The following ZBTB47 variants were observed in gnomAD, a reference collection of about 807,000 sequenced individuals.
ZBTB47 encodes the protein zinc finger and BTB domain containing 47, also known as zinc finger and BTB domain-containing protein 47.
Under a neutral mutation model 56.6 loss-of-function variants are expected in ZBTB47, and 24 were observed. The observed-to-expected ratio is 0.42, with a 90% CI of 0.31 to 0.60. The LOEUF is 0.60. ZBTB47 is among the 20% of genes least tolerant of loss of function. ZBTB47 has a pLI of 0.14. For missense variants in ZBTB47, 829 were observed against 1,032.6 expected, an observed-to-expected ratio of 0.80 and a Z score of 2.70; for synonymous variants, 414 against 418.9, an observed-to-expected ratio of 0.99 and a Z score of 0.14.
chr3:42,664,514 G>GC lies in ZBTB47; in HGVS notation c.2162dup (p.Pro722AlafsTer106). The stretch of plus-strand genomic sequence containing the variant: ...TGCTCCCGGGGCTGCCCCAGACCCT[G>GC]CCGCCCCCGCCCCACCTGCCGCCCC... On this transcript the variant is annotated frameshift_variant, in exon 6 of 6. Transcript: ENST00000232974. LOFTEE classifies it low-confidence loss of function (END_TRUNC). 5 of 1,379,798 alleles carry GC rather than the reference G, an allele frequency of 3.6e-6. No homozygotes were observed. The highest frequency in any genetic ancestry group is 3.4e-5 in the African/African-American group (2 of 59,450). The allele number at this position is 1,379,798 out of a possible 1,614,324, so 85.5% of individuals were successfully genotyped here.
rs1710602682 is a variant in ZBTB47, at chr3:42,654,085, G to A, written c.-82+202G>A. On this transcript the variant is annotated intron_variant, in intron 1 of 5. Transcript: ENST00000232974. The surrounding 1 kb of genome is among the most constrained non-coding windows in gnomAD (Gnocchi z 5.0). Reference sequence around the variant, plus strand: ...TCCCTCAGCGTGGGATCCCTCAGGGGAGCGGGTGGAAGCCTTTTCTGTTCG... The same window carrying A: ...TCCCTCAGCGTGGGATCCCTCAGGGAAGCGGGTGGAAGCCTTTTCTGTTCG... The A allele has an allele frequency of 6.6e-6, 1 of 152,324 alleles. No homozygotes were observed. Among genetic ancestry groups the A allele is most frequent in the Admixed American group, 6.5e-5 (1 of 15,286 alleles). 9.4% of individuals were successfully genotyped at this position (152,324 alleles called of 1,614,324 possible).
At chr3:42,660,941 T>G (rs1262446372) in intron 2 of ZBTB47, among the ~76,000 whole-genome samples, 4 of 152,074 alleles carry the variant, frequency 2.6e-5, no homozygotes, top group African/African-American at 9.7e-5. Flanking sequence ...GGGGATATGG[T>G]CCCCAAGATC....
chr3:42,664,736 C>T lies in ZBTB47; in HGVS notation c.*138C>T. On this transcript the variant is annotated 3_prime_UTR_variant, in exon 6 of 6. Coordinates refer to ENST00000232974, the MANE Select transcript of ZBTB47 (RefSeq NM_145166.4). ...TCCAGAAGTGGCTGGATGTACCCTG[C>T]CTGAGGCCCCGACGAGGAGGGGTAT... 9.4e-7 allele frequency: 1 copy of T among 1,062,188 alleles called. No homozygotes were observed. The highest frequency in any genetic ancestry group is 3.2e-5 in the South Asian group (1 of 31,612). The allele number at this position is 1,062,188 out of a possible 1,614,324, so 65.8% of individuals were successfully genotyped here. A position where few individuals can be genotyped will look rare whatever the true frequency, so the allele number is the denominator to read the frequency against.
rs1710612203 is a variant in ZBTB47, at chr3:42,654,502, C to G, written c.-82+619C>G. 6.0e-6 allele frequency: 1 copy of G among 165,850 alleles called. No individual in the cohort carries two copies. Among genetic ancestry groups the G allele is most frequent in the Non-Finnish European group, 1.2e-5 (1 of 82,222 alleles). 10.3% of individuals were successfully genotyped at this position (165,850 alleles called of 1,614,324 possible). On this transcript the variant is annotated intron_variant, in intron 1 of 5. Coordinates refer to ENST00000232974, the MANE Select transcript of ZBTB47 (RefSeq NM_145166.4). The surrounding 1 kb of genome is among the most constrained non-coding windows in gnomAD (Gnocchi z 5.0). ...CCCGCCGCGCCCGAGGCTCTGGGGC[C>G]GCAGCTGCTTGGCGCTGGACTCGCC...
Position 42,658,872 on chromosome 3 carries a change from A to G in ZBTB47, c.517A>G (p.Thr173Ala), listed in dbSNP as rs993061707. The change falls in exon 2 of 6, where the codon ACT becomes GCT. Residue 173 changes from threonine (T) to alanine (A), a missense_variant. Physicochemically the swap from Thr to Ala is moderately conservative, Grantham distance 58. Transcript: ENST00000232974. ...YSVRVEDGAG[T>A]AGGTVPATIG... ...GGTGCGTGTTGAGGACGGGGCAGGG[A>G]CTGCTGGTGGCACAGTGCCTGCCAC... is the stretch of plus-strand genomic sequence containing the variant. 2.1e-5 allele frequency: 32 copies of G among 1,520,928 alleles called. No homozygotes were observed. Among genetic ancestry groups the G allele is most frequent in the Non-Finnish European group, 2.8e-5 (32 of 1,138,562 alleles). 94.2% of individuals were successfully genotyped at this position (1,520,928 alleles called of 1,614,324 possible).
chr3:42,657,743 T>A (rs1710655496), intron 1 of ZBTB47, among the ~76,000 whole-genome samples: 1 of 152,078 alleles, frequency 6.6e-6, no homozygotes, highest in Non-Finnish European at 1.5e-5. Flanking sequence ...TCTTGAGGTG[T>A]TTGGGGCTGG....
intron 2 of ZBTB47, among the ~76,000 whole-genome samples, chr3:42,660,050 C>T (rs1165654037): frequency 2.0e-5 from 3 of 152,102 alleles, no homozygotes; most frequent in Non-Finnish European, 2.9e-5. Flanking sequence ...TAGAGTTGGG[C>T]GCATGAAGAG....
At position 42,659,363 on chromosome 3, in the gene ZBTB47, G is replaced by C. The variant is rs1199001623; in HGVS notation, c.1008G>C (p.Gly336=). 7.7e-7 allele frequency: 1 copy of C among 1,303,076 alleles called. No homozygotes were observed. Among genetic ancestry groups the C allele is most frequent in the Admixed American group, 2.4e-5 (1 of 41,202 alleles). The allele number at this position is 1,303,076 out of a possible 1,614,324, so 80.7% of individuals were successfully genotyped here. Residue 336 remains glycine, a synonymous_variant, in exon 2 of 6, where the codon GGG becomes GGC. Coordinates refer to ENST00000232974, the MANE Select transcript of ZBTB47 (RefSeq NM_145166.4). ...EEEEEEEEEE[G]PSEQDQESSE... ...AAGAGGAGGAGGAAGAGGAGGAAGG[G>C]CCTAGTGAGCAGGATCAAGAGAGCT...
intron 5 of ZBTB47, 109 bp from the exon 6 acceptor site, chr3:42,664,128 G>A (rs1469229972): frequency 6.7e-7 from 1 of 1,497,900 alleles, no homozygotes; most frequent in African/African-American, 1.4e-5. Flanking sequence ...GAGGATCTGA[G>A]AGCGCCGGGG....
rs772981888 is a variant in ZBTB47, at chr3:42,658,911, C to G, written c.556C>G (p.Gln186Glu). 1.7e-5 allele frequency: 25 copies of G among 1,502,078 alleles called. No individual in the cohort carries two copies. The East Asian group carries it at 6.2e-4, about 37-fold the overall frequency. The allele number at this position is 1,502,078 out of a possible 1,614,324, so 93.0% of individuals were successfully genotyped here. Residue 186 changes from glutamine to glutamate, a missense_variant, in exon 2 of 6, where the codon CAG (glutamine) becomes GAG (glutamate). Coordinates refer to ENST00000232974, the MANE Select transcript of ZBTB47 (RefSeq NM_145166.4). ...GTVPATIGPA[Q>E]PFFKEEKEGG... ...AGTGCCTGCCACCATTGGGCCAGCC[C>G]AGCCCTTCTTTAAGGAGGAGAAGGA...
rs1236077476 is a variant in ZBTB47 at position 42,661,378 on chromosome 3, A to G, written c.1474-107A>G. The G allele has an allele frequency of 2.3e-6, 3 of 1,325,276 alleles. No homozygotes were observed. The African/African-American group carries it at 4.4e-5, about 20-fold the overall frequency. 82.1% of individuals were successfully genotyped at this position (1,325,276 alleles called of 1,614,324 possible). ...TGGCTGTTGGCATCAAGGGCTCTCC[A>G]GCATATTTCAAGTGGGAAAACTGAG... is the stretch of plus-strand genomic sequence containing the variant. On this transcript the variant is annotated intron_variant, in intron 2 of 5. Coordinates refer to ENST00000232974, the MANE Select transcript of ZBTB47 (RefSeq NM_145166.4).
rs1710662954 is a variant in ZBTB47 at position 42,658,345 on chromosome 3, T to C, written c.-11T>C. The C allele has an allele frequency of 6.5e-7, 1 of 1,528,854 alleles. No individual in the cohort carries two copies. The highest frequency in any genetic ancestry group is 8.8e-7 in the Non-Finnish European group (1 of 1,142,238). 94.7% of individuals were successfully genotyped at this position (1,528,854 alleles called of 1,614,324 possible). A position where few individuals can be genotyped will look rare whatever the true frequency, so the allele number is the denominator to read the frequency against. Reference sequence around the variant, plus strand: ...CTGGTGGAGGACGTGGCGCTGCACTTTGCCTGCTTGATGGGCCGCCTGAAC... The same window carrying C: ...CTGGTGGAGGACGTGGCGCTGCACTCTGCCTGCTTGATGGGCCGCCTGAAC... On this transcript the variant is annotated 5_prime_UTR_variant, in exon 2 of 6. Transcript: ENST00000232974.
At position 42,659,186 on chromosome 3, in the gene ZBTB47, CGAGGAGGAGGAGGACGACGAG is replaced by C. The variant is rs1559606958; in HGVS notation, c.846_866del (p.Asp282_Glu288del). 2.0e-6 allele frequency: 3 copies of C among 1,519,160 alleles called. No homozygotes were observed. Among genetic ancestry groups the C allele is most frequent in the Non-Finnish European group, 2.6e-6 (3 of 1,137,498 alleles). The allele number at this position is 1,519,160 out of a possible 1,614,324, so 94.1% of individuals were successfully genotyped here. A position where few individuals can be genotyped will look rare whatever the true frequency, so the allele number is the denominator to read the frequency against. On this transcript the variant is annotated inframe_deletion, in exon 2 of 6. Coordinates refer to ENST00000232974, the MANE Select transcript of ZBTB47 (RefSeq NM_145166.4). The stretch of plus-strand genomic sequence containing the variant: ...AGGACGGGCTGCAGAGACACTCGGA[CGAGGAGGAGGAGGACGACGAG>C]GAGGAGGAGGAGGAAGAAGAGGAAG...
At position 42,658,943 on chromosome 3, in the gene ZBTB47, TGTC is replaced by T. The variant is rs1396258388; in HGVS notation, c.590_592del (p.Val197del). On this transcript the variant is annotated inframe_deletion, in exon 2 of 6. Transcript: ENST00000232974. ...TCTTTAAGGAGGAGAAGGAGGGTGGTGTCGAGGAGGCCGGTGGGCCCCCAGCCA... is the reference window on the plus strand; with the variant it reads ...TCTTTAAGGAGGAGAAGGAGGGTGGTGAGGAGGCCGGTGGGCCCCCAGCCA... The T allele has an allele frequency of 2.7e-6, 4 of 1,499,664 alleles. No homozygotes were observed. The highest frequency in any genetic ancestry group is 1.4e-5 in the African/African-American group (1 of 71,770). 92.9% of individuals were successfully genotyped at this position (1,499,664 alleles called of 1,614,324 possible).
intron 2 of ZBTB47, 97 bp downstream of exon 2, chr3:42,659,925 C>A: frequency 7.0e-7 from 1 of 1,436,104 alleles, no homozygotes. Flanking sequence ...GACTGCATTA[C>A]CTAGGTGGTC....
At position 42,663,347 on chromosome 3, in the gene ZBTB47, G is replaced by T. The variant is rs1434298060; in HGVS notation, c.1737+220G>T. ...ATCCTGCCCTTCCTTCCCCAACCCA[G>T]CCCCACACACTCAGGGTGGGAAGTG... On this transcript the variant is annotated intron_variant, in intron 4 of 5. Coordinates refer to ENST00000232974, the MANE Select transcript of ZBTB47 (RefSeq NM_145166.4). This position sits in a 1 kb window ranked among gnomAD's most constrained non-coding sequence, Gnocchi z 5.1. Among the ~76,000 whole-genome samples, 1 of 151,960 alleles carries T rather than the reference G, an allele frequency of 6.6e-6. No individual in the cohort carries two copies. Among genetic ancestry groups the T allele is most frequent in the Admixed American group, 6.6e-5 (1 of 15,266 alleles).
chr3:42,653,694 G>T (rs1009445684), upstream of ZBTB47: 2 of 152,526 alleles, frequency 1.3e-5, no homozygotes, highest in African/African-American at 4.8e-5. Flanking sequence ...GAGCAAGGGG[G>T]CCACTCAGCA....
At position 42,658,549 on chromosome 3, in the gene ZBTB47, G is replaced by A. The variant is rs1178346523; in HGVS notation, c.194G>A (p.Gly65Asp). Reference protein sequence around the residue: ...VELSLEALAPGGLQQILNFIY... With the variant: ...VELSLEALAPDGLQQILNFIY... Reference sequence around the variant, plus strand: ...CTGTCCCTGGAGGCACTGGCACCTGGTGGCCTGCAGCAGATCCTCAACTTC... The same window carrying A: ...CTGTCCCTGGAGGCACTGGCACCTGATGGCCTGCAGCAGATCCTCAACTTC... The change falls in exon 2 of 6, where the codon GGT becomes GAT. Residue 65 changes from glycine (G) to aspartate (D), a missense_variant. This residue lies in a region of ZBTB47 where 120 missense variants were observed against 200.2 expected (regional missense o/e 0.60). Transcript: ENST00000232974. 1.3e-6 allele frequency: 2 copies of A among 1,537,076 alleles called. No homozygotes were observed. Among genetic ancestry groups the A allele is most frequent in the Non-Finnish European group, 1.7e-6 (2 of 1,146,928 alleles).
chr3:42,661,720 G>T (rs1451735433), intron 3 of ZBTB47, 88 bp downstream of exon 3: 29 of 1,529,098 alleles, frequency 1.9e-5, no homozygotes, highest in Non-Finnish European at 2.0e-5. Context: ...ACATCCAAGG[G>T]CAATGTGAAG....
Sources: allele counts gnomAD v4.1 joint callset (sites outside exome capture counted in the v4.1 genomes callset), GRCh38; gene constraint gnomAD v4.1.1; regional missense constraint gnomAD v4.1.1; non-coding constraint Gnocchi (gnomAD v3.1); transcripts MANE v1.5; gene names NCBI Gene and HGNC (gene_info 2026-07-23, HGNC 2026-07-21).